ANO6: variants seen among roughly 807,000 people sequenced by gnomAD.
ANO6 encodes anoctamin 6.
A neutral mutation model predicts 117.5 loss-of-function variants in ANO6; 106 were observed. The observed-to-expected ratio is 0.90, with a 90% CI of 0.77 to 1.06. The LOEUF is 1.06. Ranked by LOEUF, ANO6 falls within the 50% of genes least tolerant of loss-of-function variation. The pLI is 0.00. For missense variants in ANO6, 955 were observed against 1,121.1 expected (o/e 0.85, Z 2.12); for synonymous variants, 367 against 385.1 (o/e 0.95, Z 0.55).
chr12:45,388,090 T>C lies in ANO6; in HGVS notation c.1166-71T>C, dbSNP rs964244386. ...GGCCAGTACAATGGATAATTAATATTATTCAGTACAGATTTCTGAAACATC... is the reference window on the plus strand; with the variant it reads ...GGCCAGTACAATGGATAATTAATATCATTCAGTACAGATTTCTGAAACATC... On this transcript the variant is annotated intron_variant, in intron 10 of 19. Coordinates refer to ENST00000320560, the MANE Select transcript of ANO6 (RefSeq NM_001025356.3). 3.8e-6 allele frequency: 6 copies of C among 1,577,860 alleles called. No individual in the cohort carries two copies. In the African/African-American group the frequency reaches 8.1e-5, roughly 21 times the overall value.
chr12:45,242,297 C>T (rs1193753209), intron 1 of ANO6, among the ~76,000 whole-genome samples: 1 of 152,244 alleles, frequency 6.6e-6, no homozygotes, highest in Non-Finnish European at 1.5e-5. Context: ...CACCCCTTCC[C>T]CTACCAGGCT....
At position 45,388,190 on chromosome 12, in the gene ANO6, C is replaced by A. The variant is rs531217156; in HGVS notation, c.1195C>A (p.Arg399Ser). The A allele has an allele frequency of 6.2e-7, 1 of 1,613,922 alleles. No homozygotes were observed. The highest frequency in any genetic ancestry group is 2.2e-5 in the East Asian group (1 of 44,872). ...CTTGTTTTTGGAGTTTTGGAAGCGA[C>A]GCCAGGCAGAACTTGAGTATGAATG... The part of the protein sequence containing the change: ...VTLFLEFWKR[R>S]QAELEYEWDT... The change falls in exon 11 of 20, where the codon CGC becomes AGC. Residue 399 changes from arginine (R) to serine (S), a missense_variant. By Grantham distance (110) the Arg-to-Ser change is moderately radical. Coordinates refer to ENST00000320560, the MANE Select transcript of ANO6 (RefSeq NM_001025356.3).
intron 1 of ANO6, among the ~76,000 whole-genome samples, chr12:45,277,713 G>A (rs763733284): frequency 3.9e-5 from 6 of 152,098 alleles, no homozygotes; most frequent in Non-Finnish European, 7.4e-5. Context: ...TAATTCAAAG[G>A]TGGAAATTAT....
intron 1 of ANO6, among the ~76,000 whole-genome samples, chr12:45,253,889 C>T (rs990007000): frequency 6.6e-6 from 1 of 152,192 alleles, no homozygotes; most frequent in Non-Finnish European, 1.5e-5. Flanking sequence ...AAGTTCGCCA[C>T]GGAGTGTGGT....
intron 12 of ANO6, among the ~76,000 whole-genome samples, chr12:45,400,509 CT>C (rs1305247123): frequency 2.0e-5 from 3 of 152,138 alleles, no homozygotes; most frequent in Admixed American, 2.0e-4. Flanking sequence ...AGAAAAACAT[CT>C]TTTTTAACAC....
chr12:45,338,075 A>T (rs769717221), intron 3 of ANO6, among the ~76,000 whole-genome samples: 16 of 152,120 alleles, frequency 1.1e-4, no homozygotes, highest in Admixed American at 3.9e-4. Flanking sequence ...ATTATCAACC[A>T]TAAGTTCTTG....
At chr12:45,424,023 C>CTTT (rs56964611) in intron 19 of ANO6, among the ~76,000 whole-genome samples, 2 of 142,146 alleles carry the variant, frequency 1.4e-5, no homozygotes, top group African/African-American at 5.1e-5. Context: ...TATACTAGTT[C>CTTT]TTTTTTTTTT....
intron 2 of ANO6, among the ~76,000 whole-genome samples, chr12:45,302,746 A>T (rs1939537326): frequency 6.6e-6 from 1 of 152,158 alleles, no homozygotes; most frequent in Non-Finnish European, 1.5e-5. Flanking sequence ...CTTAGTAAAT[A>T]GATTTTTACA....
chr12:45,375,317 C>T (rs1941976458), intron 9 of ANO6, among the ~76,000 whole-genome samples: 1 of 152,200 alleles, frequency 6.6e-6, no homozygotes, highest in African/African-American at 2.4e-5. Context: ...CCCCATCAAG[C>T]TACCAATGCC....
At chr12:45,375,735 C>A (rs2137536539) in intron 9 of ANO6, among the ~76,000 whole-genome samples, 1 of 151,432 alleles carries the variant, frequency 6.6e-6, no homozygotes, top group African/African-American at 2.4e-5. Flanking sequence ...AACGTTAGAC[C>A]TAAAACCATA....
chr12:45,429,470 A>G lies in ANO6; in HGVS notation c.*159A>G. On this transcript the variant is annotated 3_prime_UTR_variant, in exon 20 of 20. Coordinates refer to ENST00000320560, the MANE Select transcript of ANO6 (RefSeq NM_001025356.3). Reference sequence around the variant, plus strand: ...ATTTTTCAGTTTCAGCTAGCGATGCAGAAACTGGAAAATGTAAAACTTAGA... The same window carrying G: ...ATTTTTCAGTTTCAGCTAGCGATGCGGAAACTGGAAAATGTAAAACTTAGA... 6.9e-7 allele frequency: 1 copy of G among 1,456,358 alleles called. No individual in the cohort carries two copies. The highest frequency in any genetic ancestry group is 1.4e-5 in the African/African-American group (1 of 70,298). The allele number at this position is 1,456,358 out of a possible 1,614,324, so 90.2% of individuals were successfully genotyped here.
chr12:45,308,995 G>A (rs1198446660), intron 2 of ANO6, among the ~76,000 whole-genome samples: 4 of 152,116 alleles, frequency 2.6e-5, no homozygotes, highest in Non-Finnish European at 5.9e-5. Flanking sequence ...AAAAAGTCGA[G>A]GGGCCCCTGG....
chr12:45,327,058 A>G (rs1219646521), intron 2 of ANO6, among the ~76,000 whole-genome samples: 1 of 152,138 alleles, frequency 6.6e-6, no homozygotes, highest in East Asian at 1.9e-4. Context: ...TTACTCAGTT[A>G]CCTGTGTGGT....
intron 3 of ANO6, among the ~76,000 whole-genome samples, chr12:45,339,115 C>T (rs956104266): frequency 1.3e-5 from 2 of 152,074 alleles, no homozygotes; most frequent in African/African-American, 4.8e-5. Flanking sequence ...AGGGATAAAT[C>T]ATCACAAAAG....
chr12:45,268,667 T>C (rs1938296257), intron 1 of ANO6, among the ~76,000 whole-genome samples: 2 of 152,218 alleles, frequency 1.3e-5, no homozygotes, highest in Admixed American at 1.3e-4. Context: ...TATTGGTCTT[T>C]ACAAGAGTTG....
chr12:45,234,985 C>T (rs766382932), intron 1 of ANO6, among the ~76,000 whole-genome samples: 3 of 152,056 alleles, frequency 2.0e-5, no homozygotes, highest in Non-Finnish European at 2.9e-5. Flanking sequence ...ACTATCAGTC[C>T]AGCAGTAACC....
chr12:45,293,036 G>C (rs1173721518), intron 1 of ANO6: 10 of 1,491,296 alleles, frequency 6.7e-6, no homozygotes, highest in Admixed American at 2.1e-5. Context: ...TATTTGATGA[G>C]TATTTGGTCT....
intron 3 of ANO6, among the ~76,000 whole-genome samples, chr12:45,331,680 C>A (rs1366670655): frequency 6.6e-6 from 1 of 152,048 alleles, no homozygotes; most frequent in Non-Finnish European, 1.5e-5. Flanking sequence ...ATTGGACTTT[C>A]TATTGTACAG....
intron 7 of ANO6, among the ~76,000 whole-genome samples, chr12:45,353,017 T>G (rs1941321682): frequency 6.9e-6 from 1 of 143,934 alleles, no homozygotes; most frequent in Admixed American, 6.7e-5. Context: ...ACTAAGTAAT[T>G]TGTGTAGTTG....
Sources: allele counts gnomAD v4.1 joint callset (sites outside exome capture counted in the v4.1 genomes callset), GRCh38; gene constraint gnomAD v4.1.1; transcripts MANE v1.5; gene names NCBI Gene and HGNC (gene_info 2026-07-23, HGNC 2026-07-21).